Variants in LIX1 observed in about 807,000 individuals in gnomAD.
LIX1 encodes the protein protein limb expression 1 homolog.
Under a neutral mutation model 33.4 loss-of-function variants are expected in LIX1, and 24 were observed. That is an observed-to-expected ratio of 0.72 (90% CI 0.52 to 1.01). The LOEUF is 1.01. Among genes scored for constraint, LIX1 ranks in the 50% least tolerant of loss-of-function variants. The probability of loss-of-function intolerance (pLI) is 0.00; values close to 1 mark genes in which losing one functional copy is unlikely to be tolerated. For synonymous variants in LIX1, 124 were observed against 124.0 expected, an observed-to-expected ratio of 1.00 and a Z score of 0.00; for missense variants, 311 against 339.2, an observed-to-expected ratio of 0.92 and a Z score of 0.65.
rs980690149 is a variant in LIX1 at position 97,116,318 on chromosome 5, C to T, written c.246+8148G>A. On this transcript the variant is annotated intron_variant, in intron 2 of 5. Coordinates refer to ENST00000274382, the MANE Select transcript of LIX1 (RefSeq NM_153234.5). ...AGATGGTGATGTGAAAAAGGGCAAC[C>T]GTTGGAACTCAGTCACCCAAGTTAA... 3.3e-5 allele frequency among the ~76,000 whole-genome samples: 5 copies of T among 152,166 alleles called. No homozygotes were observed. In the South Asian group the frequency reaches 6.2e-4, roughly 19 times the overall value.
intron 1 of LIX1, among the ~76,000 whole-genome samples, chr5:97,141,692 C>A (rs1012831334): frequency 6.6e-6 from 1 of 152,106 alleles, no homozygotes; most frequent in Non-Finnish European, 1.5e-5. Context: ...ACCTTTTGGG[C>A]AGTTCTATTT....
At chr5:97,137,210 AACC>A (rs1748191291) in intron 1 of LIX1, 1 of 407,326 alleles carries the variant, frequency 2.5e-6, no homozygotes, top group Non-Finnish European at 4.9e-6. Context: ...AAACAACAGC[AACC>A]ACCACCAAAG....
intron 2 of LIX1, among the ~76,000 whole-genome samples, chr5:97,117,497 T>C (rs1561499058): frequency 6.6e-6 from 1 of 152,212 alleles, no homozygotes; most frequent in Non-Finnish European, 1.5e-5. Context: ...CAGATTTTCT[T>C]AGTCATTCTC....
At chr5:97,111,924 C>T (rs1561495963) in intron 2 of LIX1, among the ~76,000 whole-genome samples, 1 of 152,328 alleles carries the variant, frequency 6.6e-6, no homozygotes, top group Non-Finnish European at 1.5e-5. Flanking sequence ...AAAGCAGACA[C>T]ATGTCTATGC....
chr5:97,127,154 C>A (rs1011779054), intron 1 of LIX1, among the ~76,000 whole-genome samples: 1 of 152,112 alleles, frequency 6.6e-6, no homozygotes, highest in Non-Finnish European at 1.5e-5. Flanking sequence ...ATGCCAGTAG[C>A]CTGTTACTCT....
At chr5:97,136,904 T>C (rs146972708) in intron 1 of LIX1, among the ~76,000 whole-genome samples, 1 of 152,250 alleles carries the variant, frequency 6.6e-6, no homozygotes, top group East Asian at 1.9e-4. Flanking sequence ...CTTGACAGAC[T>C]AAACTTACAT....
chr5:97,125,346 C>T (rs1295561869), intron 1 of LIX1, among the ~76,000 whole-genome samples: 1 of 152,214 alleles, frequency 6.6e-6, no homozygotes, highest in Non-Finnish European at 1.5e-5. Context: ...TTATCCTGTA[C>T]TGCAAATTAA....
rs181811217 is a variant in LIX1, at chr5:97,121,266, T to C, written c.246+3200A>G. On this transcript the variant is annotated intron_variant, in intron 2 of 5. Coordinates refer to ENST00000274382, the MANE Select transcript of LIX1 (RefSeq NM_153234.5). ...GTCCCACATAACCACAGAGCTGTGC[T>C]TTTCTTTTGTTATGATTCTGCTTGG... Among the ~76,000 whole-genome samples the C allele has an allele frequency of 9.8e-5, 15 of 152,318 alleles. No individual in the cohort carries two copies. In the East Asian group the frequency reaches 2.9e-3, roughly 29 times the overall value.
intron 2 of LIX1, among the ~76,000 whole-genome samples, chr5:97,117,160 C>T (rs1747656969): frequency 6.6e-6 from 1 of 152,174 alleles, no homozygotes; most frequent in Non-Finnish European, 1.5e-5. Context: ...AACTAACCTT[C>T]CCGTCTTTGA....
intron 1 of LIX1, among the ~76,000 whole-genome samples, chr5:97,129,920 G>A (rs988977526): frequency 6.6e-6 from 1 of 152,174 alleles, no homozygotes; most frequent in Admixed American, 6.5e-5. Context: ...CCATTTTTCC[G>A]ACATTTGTTC....
At position 97,124,623 on chromosome 5, in the gene LIX1, A is replaced by G. The variant is rs1173026077; in HGVS notation, c.89T>C (p.Val30Ala). Residue 30 changes from valine to alanine, a missense_variant, in exon 2 of 6, where the codon GTT becomes GCT. Physicochemically the swap from Val to Ala is moderately conservative, Grantham distance 64. Coordinates refer to ENST00000274382, the MANE Select transcript of LIX1 (RefSeq NM_153234.5). ...DPALVFKDLNVVSMLQEFWES... is the reference protein window; with the variant it reads ...DPALVFKDLNAVSMLQEFWES... ...CCAAAATTCCTGTAACATTGACACA[A>G]CGTTCACTGAAAAAGACAAGAAACA... is the stretch of plus-strand genomic sequence containing the variant. The G allele has an allele frequency of 1.2e-6, 2 of 1,609,292 alleles. No homozygotes were observed. The highest frequency in any genetic ancestry group is 1.7e-6 in the Non-Finnish European group (2 of 1,177,486).
At chr5:97,137,269 T>A (rs1748192390) in intron 1 of LIX1, 1 of 287,196 alleles carries the variant, frequency 3.5e-6, no homozygotes. Context: ...GTCCCAGATT[T>A]GATCTCACAG....
intron 3 of LIX1, among the ~76,000 whole-genome samples, chr5:97,106,820 G>T (rs1561492610): frequency 6.6e-6 from 1 of 152,162 alleles, no homozygotes; most frequent in Admixed American, 6.5e-5. Context: ...AGAGGTAATT[G>T]ATATTAACCA....
chr5:97,096,902 C>T lies in LIX1; in HGVS notation c.484-15G>A, dbSNP rs1746408054. The T allele has an allele frequency of 6.2e-7, 1 of 1,605,456 alleles. No homozygotes were observed. On this transcript the variant is annotated splice_polypyrimidine_tract_variant and intron_variant, in intron 4 of 5. Transcript: ENST00000274382. ...GTCATCAGCTCCTACAAAACCCAAA[C>T]ACCTATCATTGGTCCCAAAGCAGAA...
chr5:97,118,206 C>CA (rs1747685909), intron 2 of LIX1, among the ~76,000 whole-genome samples: 1 of 152,134 alleles, frequency 6.6e-6, no homozygotes, highest in East Asian at 1.9e-4. Context: ...CATAAATAAT[C>CA]ACATGCTCTA....
At chr5:97,098,110 T>C (rs1229607877) in intron 4 of LIX1, among the ~76,000 whole-genome samples, 1 of 152,254 alleles carries the variant, frequency 6.6e-6, no homozygotes, top group Admixed American at 6.5e-5. Context: ...ATCGTTAAAC[T>C]AAATTTATTG....
intron 2 of LIX1, among the ~76,000 whole-genome samples, chr5:97,123,239 C>T (rs1446078108): frequency 1.3e-5 from 2 of 152,194 alleles, no homozygotes; most frequent in Non-Finnish European, 2.9e-5. Context: ...AGAAGTTCAA[C>T]CCATATCTCT....
intron 2 of LIX1, among the ~76,000 whole-genome samples, chr5:97,113,381 A>G (rs1428010898): frequency 6.6e-6 from 1 of 152,240 alleles, no homozygotes; most frequent in Non-Finnish European, 1.5e-5. Flanking sequence ...TTTCTTATGC[A>G]GCAATAGGTA....
chr5:97,094,167 T>G lies in LIX1; in HGVS notation c.*581A>C, dbSNP rs1020545131. 2 of 152,176 alleles carry G rather than the reference T, an allele frequency of 1.3e-5. No homozygotes were observed. The highest frequency in any genetic ancestry group is 2.9e-5 in the Non-Finnish European group (2 of 68,048). 9.4% of individuals were successfully genotyped at this position (152,176 alleles called of 1,614,324 possible). ...TTAATTTTATCTAGTATTTTCATAC[T>G]ATTACTATTTCAAGATCTTTGATGG... On this transcript the variant is annotated 3_prime_UTR_variant, in exon 6 of 6. Transcript: ENST00000274382.
Sources: gnomAD v4.1 joint callset for allele counts (sites outside exome capture counted in the v4.1 genomes callset) on GRCh38, gnomAD v4.1.1 for gene constraint, MANE v1.5 for transcripts, NCBI Gene and HGNC (gene_info 2026-07-23, HGNC 2026-07-21) for gene names.